BCAR3: variants seen among roughly 807,000 people sequenced by gnomAD.
BCAR3 encodes breast cancer anti-estrogen resistance protein 3.
A neutral mutation model predicts 80.1 loss-of-function variants in BCAR3; 37 were observed. That is an observed-to-expected ratio of 0.46 (90% CI 0.36 to 0.61). BCAR3 has a LOEUF of 0.61. BCAR3 is among the 20% of genes least tolerant of loss of function. BCAR3 has a pLI of 0.00. For synonymous variants in BCAR3, 389 were observed against 418.9 expected (o/e 0.93, Z 0.87); for missense variants, 978 against 1,068.2 (o/e 0.92, Z 1.18).
At chr1:93,640,873 T>C (rs990320702) in intron 3 of BCAR3, among the ~76,000 whole-genome samples, 4 of 152,252 alleles carry the variant, frequency 2.6e-5, no homozygotes, top group African/African-American at 7.2e-5. Flanking sequence ...TGGTAGGAGA[T>C]AGCCAATTTC....
intron 8 of BCAR3, among the ~76,000 whole-genome samples, chr1:93,575,098 C>T (rs1417428583): frequency 2.6e-5 from 4 of 151,962 alleles, no homozygotes; most frequent in Non-Finnish European, 4.4e-5. Context: ...AAAAGTCATC[C>T]TTCAATCACA....
rs534362078 is a variant in BCAR3, at chr1:93,601,103, C to T, written c.358-8710G>A. Among the ~76,000 whole-genome samples, 3 of 152,316 alleles carry T rather than the reference C, an allele frequency of 2.0e-5. No homozygotes were observed. The South Asian group carries it at 6.2e-4, about 32-fold the overall frequency. On this transcript the variant is annotated intron_variant, in intron 3 of 11. Coordinates refer to ENST00000260502, the MANE Select transcript of BCAR3 (RefSeq NM_003567.4). ...TAAGGAGTGGGGATAATAACTCCCA[C>T]CTTACAGGACTATAGGACCTGATGC...
chr1:93,745,504 T>C (rs1285236293), intron 2 of BCAR3, among the ~76,000 whole-genome samples: 2 of 150,126 alleles, frequency 1.3e-5, no homozygotes, highest in African/African-American at 5.0e-5. Context: ...TGCTTTTATC[T>C]TTCTCCTACC....
At chr1:93,650,391 G>T (rs140541869) in intron 2 of BCAR3, among the ~76,000 whole-genome samples, 1 of 152,214 alleles carries the variant, frequency 6.6e-6, no homozygotes, top group African/African-American at 2.4e-5. Context: ...TCTCAAAAAA[G>T]AAAACCAGAA....
intron 2 of BCAR3, among the ~76,000 whole-genome samples, chr1:93,728,762 TC>T (rs1419090196): frequency 6.6e-6 from 1 of 152,172 alleles, no homozygotes; most frequent in Non-Finnish European, 1.5e-5. Flanking sequence ...GCCACTTGTG[TC>T]TTCCTCCACC....
rs201005104 is a variant in BCAR3, at chr1:93,582,950, C to T, written c.1037G>A (p.Cys346Tyr). The T allele has an allele frequency of 5.0e-6, 8 of 1,585,570 alleles. No individual in the cohort carries two copies. In the African/African-American group the frequency reaches 9.4e-5, roughly 19 times the overall value. ...HQSESYLPIG[C>Y]KLPPQSSGVD... is the part of the protein sequence containing the mutation. ...ACCCGAGGACTGAGGTGGCAGCTTG[C>T]AGCCTGTGGGGGATAAGAAAAGGTC... is the stretch of plus-strand genomic sequence containing the variant. The change falls in exon 7 of 12, where the codon TGC (cysteine) becomes TAC (tyrosine). Residue 346 changes from cysteine (C) to tyrosine (Y), a missense_variant. Transcript: ENST00000260502.
chr1:93,810,229 T>A (rs1223477782), intron 2 of BCAR3, among the ~76,000 whole-genome samples: 6 of 151,564 alleles, frequency 4.0e-5, no homozygotes, highest in Admixed American at 3.9e-4. Context: ...TTAGAAGTTA[T>A]CTCCAGGTCT....
chr1:93,828,042 G>T (rs1176718763), intron 2 of BCAR3, among the ~76,000 whole-genome samples: 1 of 152,188 alleles, frequency 6.6e-6, no homozygotes, highest in Non-Finnish European at 1.5e-5. Flanking sequence ...GAGAGCAGGA[G>T]GATTGTTTGA....
chr1:93,769,105 G>C (rs1571112699), intron 2 of BCAR3, among the ~76,000 whole-genome samples: 1 of 152,134 alleles, frequency 6.6e-6, no homozygotes, highest in Non-Finnish European at 1.5e-5. Context: ...CAACCCTGGG[G>C]GAGGAGACAG....
rs565150359 is a variant in BCAR3, at chr1:93,786,053, C to A, written c.-63+59514G>T. ...CTAAAAATACAAAAAATTAGCCGGGCGTGGTGGCGGGCGCCTGTAGTCCCA... is the reference window on the plus strand; with the variant it reads ...CTAAAAATACAAAAAATTAGCCGGGAGTGGTGGCGGGCGCCTGTAGTCCCA... On this transcript the variant is annotated intron_variant, in intron 2 of 13. Transcript: ENST00000370244. Among the ~76,000 whole-genome samples the A allele has an allele frequency of 1.4e-5, 2 of 141,212 alleles. 1 individual carries two copies. Among genetic ancestry groups the A allele is most frequent in the Admixed American group, 1.4e-4 (2 of 14,058 alleles). The allele number at this position is 141,212 out of a possible 152,430, so 92.6% of individuals were successfully genotyped here. A position where few individuals can be genotyped will look rare whatever the true frequency, so the allele number is the denominator to read the frequency against.
chr1:93,717,085 G>C (rs1032251915), intron 2 of BCAR3, among the ~76,000 whole-genome samples: 2 of 152,332 alleles, frequency 1.3e-5, no homozygotes, highest in African/African-American at 4.8e-5. Context: ...TCAAGAAACC[G>C]CACAGTATCT....
intron 3 of BCAR3, among the ~76,000 whole-genome samples, chr1:93,629,246 A>G (rs1263315478): frequency 6.6e-6 from 1 of 152,142 alleles, no homozygotes; most frequent in Non-Finnish European, 1.5e-5. Context: ...GCCTGGGCAC[A>G]CGCTGTCTCC....
At chr1:93,818,417 T>C (rs1300214177) in intron 2 of BCAR3, among the ~76,000 whole-genome samples, 1 of 152,146 alleles carries the variant, frequency 6.6e-6, no homozygotes, top group African/African-American at 2.4e-5. Flanking sequence ...ACCACGCAAG[T>C]CCCCACCTCA....
intron 3 of BCAR3, among the ~76,000 whole-genome samples, chr1:93,688,253 C>T (rs1406181183): frequency 6.6e-6 from 1 of 152,184 alleles, no homozygotes; most frequent in Non-Finnish European, 1.5e-5. Context: ...TAAATAGTGA[C>T]AGAGTGAAGA....
intron 3 of BCAR3, among the ~76,000 whole-genome samples, chr1:93,612,431 T>A (rs954269365): frequency 6.6e-6 from 1 of 152,110 alleles, no homozygotes; most frequent in South Asian, 2.1e-4. Context: ...CTATATATTA[T>A]GTAGCCTTGG....
rs896176209 is a variant in BCAR3, at chr1:93,573,811, G to T, written c.1803-1970C>A. ...GCCCAGCTAATTTTCGTGTTTTTTT[G>T]TAGAAACAGGGTTTTGCCATGTTGC... On this transcript the variant is annotated intron_variant, in intron 8 of 11. Coordinates refer to ENST00000260502, the MANE Select transcript of BCAR3 (RefSeq NM_003567.4). 5.4e-5 allele frequency among the ~76,000 whole-genome samples: 8 copies of T among 149,420 alleles called. No individual in the cohort carries two copies. In the East Asian group the frequency reaches 1.4e-3, roughly 25 times the overall value.
chr1:93,599,145 CCT>C (rs1196292412), intron 3 of BCAR3: 7 of 152,092 alleles, frequency 4.6e-5, no homozygotes, highest in Non-Finnish European at 1.5e-5. Context: ...CAGAGTTCTT[CCT>C]GGGATTTTTC....
At chr1:93,757,684 C>T (rs1651792752) in intron 2 of BCAR3, among the ~76,000 whole-genome samples, 1 of 152,154 alleles carries the variant, frequency 6.6e-6, no homozygotes, top group African/African-American at 2.4e-5. Flanking sequence ...CATTCATCAC[C>T]CTCCCAATCT....
chr1:93,766,488 T>C (rs1275906621), intron 2 of BCAR3, among the ~76,000 whole-genome samples: 2 of 152,168 alleles, frequency 1.3e-5, no homozygotes, highest in Non-Finnish European at 2.9e-5. Flanking sequence ...TCTCTAAAGG[T>C]CCCTCTTCCC....
Sources: allele counts gnomAD v4.1 joint callset (sites outside exome capture counted in the v4.1 genomes callset), GRCh38; gene constraint gnomAD v4.1.1; transcripts MANE v1.5; gene names NCBI Gene and HGNC (gene_info 2026-07-23, HGNC 2026-07-21).